The following HIPK2 variants were observed in gnomAD, a reference collection of about 807,000 sequenced individuals.
HIPK2 encodes homeodomain-interacting protein kinase 2.
Under a neutral mutation model 113.7 loss-of-function variants are expected in HIPK2, and 27 were observed. The ratio of observed to expected loss-of-function variants is 0.24; its 90% CI spans 0.17 to 0.33. The LOEUF (loss-of-function observed/expected upper bound fraction) is 0.33, where lower values mean the gene tolerates loss of function less well. Ranked by LOEUF, HIPK2 falls within the 10% of genes least tolerant of loss-of-function variation. The probability of loss-of-function intolerance (pLI) is 1.00; values close to 1 mark genes in which losing one functional copy is unlikely to be tolerated. For synonymous variants in HIPK2, 631 were observed against 642.2 expected (o/e 0.98, Z 0.26); for missense variants, 1,257 against 1,588.0 (o/e 0.79, Z 3.54).
intron 9 of HIPK2, among the ~76,000 whole-genome samples, chr7:139,608,830 G>A (rs1799717859): frequency 6.6e-6 from 1 of 152,230 alleles, no homozygotes; most frequent in African/African-American, 2.4e-5. Context: ...GAACTTTTGA[G>A]TGAGAAACAT....
chr7:139,756,633 C>G lies in HIPK2; in HGVS notation c.19+20972G>C, dbSNP rs141902305. The stretch of plus-strand genomic sequence containing the variant: ...AGAGATGGGGTTTCACCATATTGGT[C>G]AGGCTGGTCTCAAACTCCTGACTTC... On this transcript the variant is annotated intron_variant, in intron 1 of 14. Coordinates refer to ENST00000406875, the MANE Select transcript of HIPK2 (RefSeq NM_022740.5). Among the ~76,000 whole-genome samples the G allele has an allele frequency of 5.3e-4, 81 of 152,304 alleles. 2 individuals are homozygous for G. In the East Asian group the frequency reaches 0.016, roughly 29 times the overall value.
intron 1 of HIPK2, among the ~76,000 whole-genome samples, chr7:139,772,752 A>AT (rs5887935): frequency 0.11 from 15,243 of 137,856 alleles, 2,387 homozygotes; most frequent in African/African-American, 0.35. Flanking sequence ...ACGCCCAGCT[A>AT]TTTTTTTTTT....
chr7:139,725,080 T>C (rs1048930764), intron 1 of HIPK2, among the ~76,000 whole-genome samples: 3 of 151,852 alleles, frequency 2.0e-5, no homozygotes, highest in African/African-American at 7.3e-5. Flanking sequence ...TAAAAAAAGA[T>C]TAGGGTTGAG....
intron 1 of HIPK2, among the ~76,000 whole-genome samples, chr7:139,727,374 C>T (rs1795611526): frequency 6.6e-6 from 1 of 152,106 alleles, no homozygotes; most frequent in Non-Finnish European, 1.5e-5. Flanking sequence ...AGGGTGCTCT[C>T]CTGGGAAGAG....
At chr7:139,612,731 C>T (rs1455035693) in intron 9 of HIPK2, among the ~76,000 whole-genome samples, 1 of 152,164 alleles carries the variant, frequency 6.6e-6, no homozygotes, top group Non-Finnish European at 1.5e-5. Flanking sequence ...AGAGCACCTA[C>T]ATGGATACAG....
intron 2 of HIPK2, among the ~76,000 whole-genome samples, chr7:139,634,270 C>A (rs1880411): frequency 0.053 from 8,102 of 152,128 alleles, 326 homozygotes; most frequent in Middle Eastern, 0.088. Context: ...ATTTAATGAA[C>A]CTTCCGTTGT....
At chr7:139,623,918 C>T (rs1050395041) in intron 6 of HIPK2, among the ~76,000 whole-genome samples, 2 of 152,190 alleles carry the variant, frequency 1.3e-5, no homozygotes, top group Admixed American at 1.3e-4. Flanking sequence ...CACCCCTTTT[C>T]CCTGCAGACG....
rs188322077 is a variant in HIPK2, at chr7:139,620,525, C to T, written c.1658G>A (p.Arg553His). 4.2e-5 allele frequency: 68 copies of T among 1,614,108 alleles called. No homozygotes were observed. Among genetic ancestry groups the T allele is most frequent in the Admixed American group, 2.8e-4 (17 of 60,010 alleles). ...CACCGTGTCATACATATTCACCCGA[C>T]GCTTGCAGATCTCCATGTTCTGGAA... ...SCFQNMEICKRRVNMYDTVNQ... is the reference protein window; with the variant it reads ...SCFQNMEICKHRVNMYDTVNQ... Residue 553 changes from arginine (R) to histidine (H), a missense_variant, in exon 7 of 15, where the codon CGT becomes CAT. Around this residue, in one of 5 missense-constraint regions of HIPK2, gnomAD observed 862 missense variants for 1,004.3 expected, o/e 0.86. Transcript: ENST00000406875.
chr7:139,763,249 T>C (rs373103700), intron 1 of HIPK2, among the ~76,000 whole-genome samples: 1 of 152,076 alleles, frequency 6.6e-6, no homozygotes, highest in African/African-American at 2.4e-5. Context: ...TGGAAAGCAG[T>C]TGGACATCTG....
At chr7:139,636,293 C>G (rs114877274) in intron 2 of HIPK2, among the ~76,000 whole-genome samples, 1,533 of 151,942 alleles carry the variant, frequency 0.01, 17 homozygotes, top group African/African-American at 0.035. Flanking sequence ...CCTCTTCTAT[C>G]CAACTGCTGT....
At chr7:139,647,588 A>T (rs1041206046) in intron 2 of HIPK2, among the ~76,000 whole-genome samples, 3 of 152,220 alleles carry the variant, frequency 2.0e-5, no homozygotes, top group African/African-American at 7.2e-5. Flanking sequence ...TCTATCTATC[A>T]TCTATCTATA....
At position 139,596,992 on chromosome 7, in the gene HIPK2, G is replaced by C; in HGVS notation, c.2442C>G (p.Val814=). ...GAGAGGAGGACACCTCACAGGTGGA[G>C]ACATTTCTGTAATGAGAAAACCACA... The part of the protein sequence containing the change: ...SKQHQSSVRN[V]STCEVSSSQA... The change falls in exon 12 of 15, where the codon GTC becomes GTG. Residue 814 remains valine (V), a synonymous_variant. Coordinates refer to ENST00000406875, the MANE Select transcript of HIPK2 (RefSeq NM_022740.5). 1 of 1,590,630 alleles carries C rather than the reference G, an allele frequency of 6.3e-7. No homozygotes were observed. The highest frequency in any genetic ancestry group is 1.1e-5 in the South Asian group (1 of 90,530).
intron 7 of HIPK2, among the ~76,000 whole-genome samples, chr7:139,617,698 C>T (rs551843265): frequency 6.6e-6 from 1 of 152,324 alleles, no homozygotes; most frequent in South Asian, 2.1e-4. Flanking sequence ...ACCCAGCTTC[C>T]TTGAGACCTA....
chr7:139,770,533 A>C (rs2117173842), intron 1 of HIPK2, among the ~76,000 whole-genome samples: 1 of 152,202 alleles, frequency 6.6e-6, no homozygotes, highest in South Asian at 2.1e-4. Context: ...ACACAAACAA[A>C]CCCTTTGTTC....
At chr7:139,698,340 T>C (rs970732649) in intron 2 of HIPK2, among the ~76,000 whole-genome samples, 1 of 152,246 alleles carries the variant, frequency 6.6e-6, no homozygotes, top group Non-Finnish European at 1.5e-5. Context: ...TACCACCATT[T>C]GCATATACGT....
At chr7:139,629,074 A>G in intron 4 of HIPK2, 35 bp from the exon 5 acceptor site, 2 of 1,534,074 alleles carry the variant, frequency 1.3e-6, no homozygotes, top group Non-Finnish European at 1.8e-6. Flanking sequence ...TGGTAGCGTG[A>G]CTTAGCTCCT....
chr7:139,775,446 T>C (rs1258672403), intron 1 of HIPK2, among the ~76,000 whole-genome samples: 1 of 152,154 alleles, frequency 6.6e-6, no homozygotes, highest in African/African-American at 2.4e-5. Context: ...GGCAGACTGA[T>C]GTGGGCCAGT....
chr7:139,722,046 T>C (rs544854271), intron 1 of HIPK2: 29 of 473,448 alleles, frequency 6.1e-5, no homozygotes, highest in South Asian at 4.4e-4. Flanking sequence ...GCTGAAGTCA[T>C]AAACACTGAA....
At chr7:139,634,703 A>G (rs1449019338) in intron 2 of HIPK2, among the ~76,000 whole-genome samples, 2 of 91,586 alleles carry the variant, frequency 2.2e-5, no homozygotes, top group African/African-American at 8.0e-5. Context: ...TTTGAGACAG[A>G]GTCTTGCTCT....
Sources: gnomAD v4.1 joint callset for allele counts (sites outside exome capture counted in the v4.1 genomes callset) on GRCh38, gnomAD v4.1.1 for gene constraint, gnomAD v4.1.1 regional missense constraint, MANE v1.5 for transcripts, NCBI Gene and HGNC (gene_info 2026-07-23, HGNC 2026-07-21) for gene names.